CHIA: variants seen among roughly 807,000 people sequenced by gnomAD.
CHIA encodes the protein chitinase acidic, also known as acidic mammalian chitinase.
CHIA carries 47 observed loss-of-function variants against 53.5 expected under a neutral mutation model. That is an observed-to-expected ratio of 0.88 (90% CI 0.70 to 1.12). CHIA has a LOEUF of 1.12. Among genes scored for constraint, CHIA ranks in the 50% most tolerant of loss-of-function variants. The probability of loss-of-function intolerance (pLI) is 0.00; values close to 1 mark genes in which losing one functional copy is unlikely to be tolerated. For synonymous variants in CHIA, 268 were observed against 222.2 expected (o/e 1.21, Z -1.83); for missense variants, 652 against 592.2 (o/e 1.10, Z -1.05).
At chr1:111,310,249 A>G in intron 1 of CHIA, 151 bp from the exon 2 acceptor site, 1 of 896,360 alleles carries the variant, frequency 1.1e-6, no homozygotes, top group African/African-American at 1.7e-5. Flanking sequence ...GAGCCATGAC[A>G]TTGTTCTGTC....
chr1:111,301,242 A>G (rs1222206994), intron 1 of CHIA, among the ~76,000 whole-genome samples: 1 of 152,254 alleles, frequency 6.6e-6, no homozygotes, highest in East Asian at 1.9e-4. Context: ...ATATACCCAA[A>G]GGATTATAAA....
At chr1:111,314,908 C>T in intron 5 of CHIA, 1 of 387,802 alleles carries the variant, frequency 2.6e-6, no homozygotes. Flanking sequence ...ATGCTTCCCT[C>T]TATTTATCTT....
chr1:111,305,346 G>A (rs1192811578), intron 1 of CHIA, among the ~76,000 whole-genome samples: 1 of 151,880 alleles, frequency 6.6e-6, no homozygotes, highest in African/African-American at 2.4e-5. Flanking sequence ...TTGCAACAAT[G>A]GGGGGAGGTG....
intron 1 of CHIA, among the ~76,000 whole-genome samples, chr1:111,301,896 G>A (rs1333478138): frequency 6.6e-6 from 1 of 151,728 alleles, no homozygotes; most frequent in Non-Finnish European, 1.5e-5. Flanking sequence ...ACACACCAGG[G>A]CCTGTTGCGG....
chr1:111,318,394 A>C (rs1348106539), intron 8 of CHIA, 99 bp from the exon 9 acceptor site: 1 of 1,065,494 alleles, frequency 9.4e-7, no homozygotes, highest in East Asian at 2.4e-5. Flanking sequence ...ATCTGGAATT[A>C]ACAGCATAGA....
intron 1 of CHIA, among the ~76,000 whole-genome samples, chr1:111,301,839 G>A (rs371714578): frequency 3.3e-5 from 5 of 152,068 alleles, no homozygotes; most frequent in African/African-American, 1.2e-4. Context: ...TTACTCATAG[G>A]TGTAAATTGA....
chr1:111,296,170 C>A (rs1236241975), intron 1 of CHIA, among the ~76,000 whole-genome samples: 2 of 152,240 alleles, frequency 1.3e-5, no homozygotes, highest in Non-Finnish European at 2.9e-5. Flanking sequence ...CTTCCGCAGA[C>A]TTAAACATTC....
intron 4 of CHIA, 97 bp from the exon 5 acceptor site, chr1:111,314,442 CA>C: frequency 2.5e-6 from 2 of 802,320 alleles, no homozygotes; most frequent in Non-Finnish European, 4.0e-6. Context: ...AAAGGCAAAA[CA>C]AAAATATCTG....
chr1:111,319,248 A>G lies in CHIA; in HGVS notation c.1035+9A>G, dbSNP rs1557751055. On this transcript the variant is annotated intron_variant, in intron 10 of 11. Transcript: ENST00000369740. ...AGAGCTTCGATATTAAGGTAAGATC[A>G]GTCCCTTAAATGTGCTGAGGTCCCA... The G allele has an allele frequency of 3.7e-6, 6 of 1,614,210 alleles. No individual in the cohort carries two copies. The East Asian group carries it at 1.1e-4, about 30-fold the overall frequency.
chr1:111,318,813 T>C, intron 9 of CHIA, 135 bp downstream of exon 9: 1 of 988,098 alleles, frequency 1.0e-6, no homozygotes, highest in Non-Finnish European at 1.5e-6. Flanking sequence ...AGTGTTTAAA[T>C]AGCATTCATT....
intron 2 of CHIA, 121 bp from the exon 3 acceptor site, chr1:111,311,568 A>T: frequency 8.8e-7 from 1 of 1,137,270 alleles, no homozygotes. Context: ...TGGAATCACC[A>T]CCAAATCTCA....
Position 111,294,246 on chromosome 1 carries a change from G to A in CHIA, c.-69+3296G>A, listed in dbSNP as rs4546921. ...TCACATTTTCTTTATTTGAACAGCA[G>A]GCTATAGTTTTCATTGTACAAGTCT... is the stretch of plus-strand genomic sequence containing the variant. On this transcript the variant is annotated intron_variant, in intron 1 of 11. Transcript: ENST00000369740. 2.0e-5 allele frequency among the ~76,000 whole-genome samples: 3 copies of A among 151,966 alleles called. No homozygotes were observed. The East Asian group carries it at 5.8e-4, about 29-fold the overall frequency.
At chr1:111,295,524 G>C (rs1661283652) in intron 1 of CHIA, among the ~76,000 whole-genome samples, 1 of 152,206 alleles carries the variant, frequency 6.6e-6, no homozygotes, top group Non-Finnish European at 1.5e-5. Context: ...CAACCACTGA[G>C]AATTAGGCAA....
At chr1:111,314,915 T>C (rs1252819947) in intron 5 of CHIA, 3 of 384,594 alleles carry the variant, frequency 7.8e-6, no homozygotes, top group Non-Finnish European at 9.3e-6. Context: ...CCTCTATTTA[T>C]CTTCTGGTGG....
At chr1:111,319,600 A>G in intron 11 of CHIA, 132 bp downstream of exon 11, 1 of 833,256 alleles carries the variant, frequency 1.2e-6, no homozygotes, top group Non-Finnish European at 1.9e-6. Flanking sequence ...TCTTGCCCAG[A>G]TGAGAGACAG....
At chr1:111,318,257 C>A in intron 8 of CHIA, 148 bp downstream of exon 8, 1 of 981,568 alleles carries the variant, frequency 1.0e-6, no homozygotes, top group Non-Finnish European at 1.5e-6. Flanking sequence ...CATTTAATTT[C>A]ACACAGAGAC....
Position 111,318,524 on chromosome 1 carries a change from G to A in CHIA, c.761G>A (p.Gly254Glu). ...DYVMNYWKDN[G>E]APAEKLIVGF... ...GTCATGAACTACTGGAAGGACAATG[G>A]AGCACCAGCTGAGAAGCTCATCGTT... The change falls in exon 9 of 12, where the codon GGA becomes GAA. Residue 254 changes from glycine to glutamate, a missense_variant. Physicochemically the swap from Gly to Glu is moderately conservative, Grantham distance 98. Coordinates refer to ENST00000369740, the MANE Select transcript of CHIA (RefSeq NM_201653.4). The A allele has an allele frequency of 1.2e-6, 2 of 1,614,126 alleles. No homozygotes were observed. Among genetic ancestry groups the A allele is most frequent in the Non-Finnish European group, 1.7e-6 (2 of 1,179,968 alleles).
chr1:111,319,168 C>G lies in CHIA; in HGVS notation c.964C>G (p.Gln322Glu). Reference protein sequence around the residue: ...NGATQGWDAPQEVPYAYQGNV... With the variant: ...NGATQGWDAPEEVPYAYQGNV... ...AGCCACTCAGGGATGGGATGCCCCT[C>G]AGGAAGTGCCTTATGCCTATCAGGG... Residue 322 changes from glutamine to glutamate, a missense_variant, in exon 10 of 12, where the codon CAG becomes GAG. Physicochemically the swap from Gln to Glu is conservative, Grantham distance 29. Transcript: ENST00000369740. The G allele has an allele frequency of 1.9e-6, 3 of 1,614,214 alleles. No homozygotes were observed. Among genetic ancestry groups the G allele is most frequent in the Non-Finnish European group, 2.5e-6 (3 of 1,180,036 alleles).
intron 2 of CHIA, among the ~76,000 whole-genome samples, chr1:111,311,115 A>T (rs1382735655): frequency 1.3e-5 from 2 of 152,238 alleles, no homozygotes; most frequent in African/African-American, 4.8e-5. Flanking sequence ...TAAGCTTCAG[A>T]ACCTTTTCCA....
Sources: gnomAD v4.1 joint callset for allele counts (sites outside exome capture counted in the v4.1 genomes callset) on GRCh38, gnomAD v4.1.1 for gene constraint, MANE v1.5 for transcripts, NCBI Gene and HGNC (gene_info 2026-07-23, HGNC 2026-07-21) for gene names.